The following ADGRV1 variants were observed in gnomAD, a reference collection of about 807,000 sequenced individuals.
The protein encoded by ADGRV1 is G-protein coupled receptor 98.
A neutral mutation model predicts 596.2 loss-of-function variants in ADGRV1; 359 were observed. The ratio of observed to expected loss-of-function variants is 0.60; its 90% CI spans 0.55 to 0.66. ADGRV1 has a LOEUF of 0.66. Ranked by LOEUF, ADGRV1 falls within the 30% of genes least tolerant of loss-of-function variation. The pLI is 0.00. For missense variants in ADGRV1, 7,274 were observed against 7,575.6 expected (o/e 0.96, Z 1.48); for synonymous variants, 2,681 against 2,679.2 (o/e 1.00, Z -0.02).
At chr5:90,820,530 G>A (rs1211418002) in intron 75 of ADGRV1, among the ~76,000 whole-genome samples, 1 of 151,732 alleles carries the variant, frequency 6.6e-6, no homozygotes, top group Non-Finnish European at 1.5e-5. Flanking sequence ...TTACATTTTG[G>A]CATGATTTTG....
Position 90,726,722 on chromosome 5 carries a change from C to T in ADGRV1, c.10161+1066C>T, listed in dbSNP as rs562830778. Among the ~76,000 whole-genome samples the T allele has an allele frequency of 3.3e-5, 5 of 151,806 alleles. No individual in the cohort carries two copies. In the East Asian group the frequency reaches 5.8e-4, roughly 18 times the overall value. ...CCCATTGCCAGTTCCTCTTCCCTTT[C>T]GTAAACTTAGATGTCTTGGAGTTTT... On this transcript the variant is annotated intron_variant, in intron 48 of 89. Coordinates refer to ENST00000405460, the MANE Select transcript of ADGRV1 (RefSeq NM_032119.4).
At chr5:90,594,883 T>A (rs1440104576) in intron 1 of ADGRV1, among the ~76,000 whole-genome samples, 3 of 150,514 alleles carry the variant, frequency 2.0e-5, no homozygotes, top group East Asian at 2.0e-4. Flanking sequence ...CATGTCTACT[T>A]CTTTCTACAC....
rs565703110 is a variant in ADGRV1, at chr5:91,017,296, G to C, written c.18152+31774G>C. Reference sequence around the variant, plus strand: ...GTATTCTAATGTGAAAGATAATACAGCAAGTACTTCTTTGTAATTCCATGT... The same window carrying C: ...GTATTCTAATGTGAAAGATAATACACCAAGTACTTCTTTGTAATTCCATGT... On this transcript the variant is annotated intron_variant, in intron 85 of 89. Coordinates refer to ENST00000405460, the MANE Select transcript of ADGRV1 (RefSeq NM_032119.4). 2.8e-4 allele frequency among the ~76,000 whole-genome samples: 43 copies of C among 151,852 alleles called. No homozygotes were observed. The Middle Eastern group carries it at 0.01, about 36-fold the overall frequency.
intron 83 of ADGRV1, among the ~76,000 whole-genome samples, chr5:90,889,385 C>A (rs894441757): frequency 6.6e-6 from 1 of 152,014 alleles, no homozygotes; most frequent in Non-Finnish European, 1.5e-5. Context: ...TCTTAACAGG[C>A]CTCTCCTCAT....
chr5:90,605,854 A>G (rs937110259), intron 1 of ADGRV1, among the ~76,000 whole-genome samples: 1 of 152,222 alleles, frequency 6.6e-6, no homozygotes, highest in African/African-American at 2.4e-5. Context: ...CTACCGGGAA[A>G]TAAAGCTGTA....
At chr5:90,766,655 G>C (rs1212074313) in intron 59 of ADGRV1, among the ~76,000 whole-genome samples, 3 of 152,122 alleles carry the variant, frequency 2.0e-5, no homozygotes, top group Non-Finnish European at 4.4e-5. Flanking sequence ...AAGTGAAGGC[G>C]CAAGGTCCTA....
chr5:91,092,098 T>C (rs1344625341), intron 86 of ADGRV1, among the ~76,000 whole-genome samples: 1 of 152,136 alleles, frequency 6.6e-6, no homozygotes, highest in Non-Finnish European at 1.5e-5. Context: ...AAATAGAAGA[T>C]GCTGAGATGT....
intron 85 of ADGRV1, among the ~76,000 whole-genome samples, chr5:91,055,787 AC>A (rs1350083616): frequency 6.6e-6 from 1 of 152,256 alleles, no homozygotes; most frequent in Non-Finnish European, 1.5e-5. Flanking sequence ...ACAACAGGCA[AC>A]AGAATCTTTA....
intron 1 of ADGRV1, among the ~76,000 whole-genome samples, chr5:90,593,023 T>C (rs570026681): frequency 1.3e-5 from 2 of 152,334 alleles, no homozygotes; most frequent in Admixed American, 6.5e-5. Flanking sequence ...GCTCAACCAT[T>C]GTGGAACACA....
chr5:90,627,917 G>GACACACACACACACACAC (rs3041948), intron 7 of ADGRV1, 141 bp downstream of exon 7: 73 of 230,406 alleles, frequency 3.2e-4, no homozygotes, highest in Non-Finnish European at 2.8e-4. Context: ...ACTCAGAAAA[G>GACACACACACACACACAC]ACACACACAC....
At chr5:91,011,342 A>T (rs999187536) in intron 85 of ADGRV1, among the ~76,000 whole-genome samples, 4 of 151,954 alleles carry the variant, frequency 2.6e-5, no homozygotes, top group Non-Finnish European at 5.9e-5. Flanking sequence ...AGTCAAGAAC[A>T]TATTATTTCT....
chr5:90,596,978 A>G (rs937291541), intron 1 of ADGRV1, among the ~76,000 whole-genome samples: 1 of 152,186 alleles, frequency 6.6e-6, no homozygotes, highest in Admixed American at 6.5e-5. Context: ...AAAGAATAAT[A>G]TTACAGGTGA....
At position 90,653,300 on chromosome 5, in the gene ADGRV1, T is replaced by TA. The variant is rs1768907217; in HGVS notation, c.3727dup (p.Ile1243AsnfsTer18). 1.2e-6 allele frequency: 2 copies of TA among 1,613,980 alleles called. No homozygotes were observed. Among genetic ancestry groups the TA allele is most frequent in the Non-Finnish European group, 1.7e-6 (2 of 1,179,878 alleles). Reference sequence around the variant, plus strand: ...TCAATGATGATCCCTTTGGAGTTTTTATCTTGGATCCAGAGTGTTTAGAGA... The same window carrying TA: ...TCAATGATGATCCCTTTGGAGTTTTTAATCTTGGATCCAGAGTGTTTAGAGA... On this transcript the variant is annotated frameshift_variant, in exon 20 of 90. Coordinates refer to ENST00000405460, the MANE Select transcript of ADGRV1 (RefSeq NM_032119.4). LOFTEE classifies it high-confidence loss of function.
At chr5:91,039,932 A>G (rs536377069) in intron 85 of ADGRV1, among the ~76,000 whole-genome samples, 6 of 152,310 alleles carry the variant, frequency 3.9e-5, no homozygotes, top group Admixed American at 2.0e-4. Flanking sequence ...AGATCTTTGT[A>G]TCTGAGGTGG....
intron 45 of ADGRV1, 106 bp downstream of exon 45, chr5:90,721,165 TG>T: frequency 1.0e-6 from 1 of 966,246 alleles, no homozygotes; most frequent in Non-Finnish European, 1.5e-6. Flanking sequence ...CATTTGAAAA[TG>T]GAAAACAGAT....
At chr5:91,158,269 T>C (rs1582256647) in intron 89 of ADGRV1, among the ~76,000 whole-genome samples, 2 of 152,198 alleles carry the variant, frequency 1.3e-5, no homozygotes, top group Non-Finnish European at 2.9e-5. Flanking sequence ...AAGGCAAAAA[T>C]GGGCCTTTGG....
chr5:90,728,439 G>A (rs1012377698), intron 48 of ADGRV1, among the ~76,000 whole-genome samples: 7 of 151,996 alleles, frequency 4.6e-5, no homozygotes, highest in Non-Finnish European at 7.4e-5. Context: ...CATTCACTCT[G>A]TGTGTGTGTA....
intron 83 of ADGRV1, among the ~76,000 whole-genome samples, chr5:90,897,805 T>C (rs1202668057): frequency 6.6e-6 from 1 of 152,160 alleles, no homozygotes; most frequent in Admixed American, 6.5e-5. Flanking sequence ...CTTTAGAGTA[T>C]GTGTGGGTGG....
intron 27 of ADGRV1, 42 bp downstream of exon 27, chr5:90,681,496 G>A: frequency 6.3e-7 from 1 of 1,575,738 alleles, no homozygotes; most frequent in Non-Finnish European, 8.7e-7. Flanking sequence ...ACTTTCTGTT[G>A]TTTTAAAAAC....
Sources: gnomAD v4.1 joint callset for allele counts (sites outside exome capture counted in the v4.1 genomes callset) on GRCh38, gnomAD v4.1.1 for gene constraint, MANE v1.5 for transcripts, NCBI Gene and HGNC (gene_info 2026-07-23, HGNC 2026-07-21) for gene names.